The following PTPRS variants were observed in gnomAD, a reference collection of about 807,000 sequenced individuals.
PTPRS encodes the protein protein tyrosine phosphatase receptor type S.
In PTPRS, 63 loss-of-function variants were observed where a neutral mutation model predicts 215.3. The observed-to-expected ratio is 0.29, with a 90% CI of 0.24 to 0.36. The LOEUF is 0.36. Among genes scored for constraint, PTPRS ranks in the 10% least tolerant of loss-of-function variants. The pLI is 1.00. For synonymous variants in PTPRS, 1,404 were observed against 1,191.4 expected (o/e 1.18, Z -3.68); for missense variants, 2,258 against 2,825.8 (o/e 0.80, Z 4.56).
chr19:5,284,695 C>A (rs1286396416), intron 2 of PTPRS, among the ~76,000 whole-genome samples: 2 of 152,262 alleles, frequency 1.3e-5, no homozygotes, highest in African/African-American at 4.8e-5. Context: ...ACCTGTAATT[C>A]TAGCACTTTG....
intron 1 of PTPRS, among the ~76,000 whole-genome samples, chr19:5,328,635 C>T (rs1392525070): frequency 1.3e-5 from 2 of 152,178 alleles, no homozygotes; most frequent in South Asian, 2.1e-4. Flanking sequence ...AACCCAGTCT[C>T]CTGGCCTCCC....
At chr19:5,326,971 A>G (rs1208869655) in intron 1 of PTPRS, among the ~76,000 whole-genome samples, 3 of 152,156 alleles carry the variant, frequency 2.0e-5, no homozygotes, top group African/African-American at 7.2e-5. Context: ...ACAGACCTAG[A>G]GAGTCACAAC....
intron 1 of PTPRS, among the ~76,000 whole-genome samples, chr19:5,291,347 G>C (rs2048801978): frequency 6.6e-6 from 1 of 152,076 alleles, no homozygotes. Context: ...GGAGGAGGGG[G>C]CTGGGCTGGG....
At position 5,262,978 on chromosome 19, in the gene PTPRS, C is replaced by T. The variant is rs772623073; in HGVS notation, c.569-6G>A. 17 of 1,414,808 alleles carry T rather than the reference C, an allele frequency of 1.2e-5. No homozygotes were observed. The East Asian group carries it at 3.0e-4, about 25-fold the overall frequency. 87.6% of individuals were successfully genotyped at this position (1,414,808 alleles called of 1,614,324 possible). A position where few individuals can be genotyped will look rare whatever the true frequency, so the allele number is the denominator to read the frequency against. ...ATCAGACTTACCAAAGGTTTCTGAA[C>T]GTTTACAACAGGAGGATAAGAAAAG... On this transcript the variant is annotated splice_region_variant and splice_polypyrimidine_tract_variant and intron_variant, in intron 5 of 37. Transcript: ENST00000262963.
chr19:5,274,153 T>C lies in PTPRS; in HGVS notation c.237+46A>G, dbSNP rs199911156. On this transcript the variant is annotated intron_variant, in intron 3 of 37. Transcript: ENST00000262963. ...GTGGCTGAGGTGCTGTGGCCCTGCC[T>C]TGGGGGAGCATTGACCCCAGGCTGC... The C allele has an allele frequency of 1.1e-4, 179 of 1,581,652 alleles. No homozygotes were observed. The East Asian group carries it at 3.9e-3, about 35-fold the overall frequency.
At chr19:5,216,262 T>G (rs1029728366) in intron 26 of PTPRS, among the ~76,000 whole-genome samples, 3 of 152,064 alleles carry the variant, frequency 2.0e-5, no homozygotes, top group African/African-American at 7.2e-5. Context: ...AGGTGCTGGG[T>G]GTGGGCTCGG....
intron 25 of PTPRS, among the ~76,000 whole-genome samples, chr19:5,217,775 C>A (rs1349718784): frequency 3.3e-5 from 5 of 152,094 alleles, no homozygotes; most frequent in Admixed American, 6.6e-5. Context: ...ATGAAAAATT[C>A]CTTATTTGGT....
At chr19:5,263,051 C>A (rs1238581700) in intron 5 of PTPRS, 79 bp from the exon 6 acceptor site, 3 of 386,944 alleles carry the variant, frequency 7.8e-6, no homozygotes, top group African/African-American at 3.3e-5. Flanking sequence ...ATGTCCTCAG[C>A]GAGGAGGGGA....
intron 5 of PTPRS, among the ~76,000 whole-genome samples, chr19:5,263,912 G>A (rs1183574606): frequency 6.6e-6 from 1 of 152,222 alleles, no homozygotes; most frequent in Non-Finnish European, 1.5e-5. Flanking sequence ...CGGGAGGCAG[G>A]CCAGGCCGGC....
intron 11 of PTPRS, among the ~76,000 whole-genome samples, chr19:5,242,803 CCT>C (rs2145923035): frequency 6.6e-6 from 1 of 152,208 alleles, no homozygotes; most frequent in Non-Finnish European, 1.5e-5. Context: ...CTCCAGTGAT[CCT>C]CTCATCTCAG....
At chr19:5,285,792 T>A (rs1253055735) in intron 2 of PTPRS, among the ~76,000 whole-genome samples, 1 of 152,206 alleles carries the variant, frequency 6.6e-6, no homozygotes, top group Non-Finnish European at 1.5e-5. Flanking sequence ...GCTGAGTTGA[T>A]GCTGGGGAAA....
Position 5,273,556 on chromosome 19 carries a change from C to T in PTPRS, c.265G>A (p.Ala89Thr). The T allele has an allele frequency of 1.9e-6, 3 of 1,614,170 alleles. No homozygotes were observed. The highest frequency in any genetic ancestry group is 2.5e-6 in the Non-Finnish European group (3 of 1,180,040). The change falls in exon 4 of 38, where the codon GCA becomes ACA. Residue 89 changes from alanine to threonine, a missense_variant. Physicochemically the swap from Ala to Thr is moderately conservative, Grantham distance 58 (BLOSUM62 0). This residue lies in a region of PTPRS where 508 missense variants were observed against 799.4 expected (regional missense o/e 0.64). Transcript: ENST00000262963. The part of the protein sequence containing the change: ...ETIEFDESAG[A>T]VLRIQPLRTP... The stretch of plus-strand genomic sequence containing the variant: ...CTCAGCGGCTGGATCCTCAGCACTG[C>T]CCCTGCACTCTCATCAAACTCAATC...
rs542500939 is a variant in PTPRS, at chr19:5,225,487, TTC to T, written c.2494+238_2494+239del. 3.0e-3 allele frequency among the ~76,000 whole-genome samples: 456 copies of T among 151,116 alleles called. 2 individuals carry two copies. The highest frequency in any genetic ancestry group is 4.2e-3 in the Non-Finnish European group (285 of 67,776). On this transcript the variant is annotated intron_variant, in intron 17 of 37. Transcript: ENST00000262963. ...GGGGTCAGAGGTGGCTGTTAACTGT[TTC>T]TGTCTGGTGGGAGCCGGGGGGACAG... is the stretch of plus-strand genomic sequence containing the variant.
chr19:5,261,093 C>A (rs2045959534), intron 6 of PTPRS, among the ~76,000 whole-genome samples: 1 of 152,174 alleles, frequency 6.6e-6, no homozygotes, highest in Non-Finnish European at 1.5e-5. Context: ...GGGATGGAGT[C>A]TAGAAGCCTC....
At position 5,243,894 on chromosome 19, in the gene PTPRS, G is replaced by T; in HGVS notation, c.1570+7C>A. 1 of 1,482,846 alleles carries T rather than the reference G, an allele frequency of 6.7e-7. No individual in the cohort carries two copies. The highest frequency in any genetic ancestry group is 1.3e-5 in the South Asian group (1 of 74,252). The allele number at this position is 1,482,846 out of a possible 1,614,324, so 91.9% of individuals were successfully genotyped here. ...GGGCCCCGAGTCCTGCCGACCCCAC[G>T]CCTCACCTCCCTGCTGCGTCTTGAC... is the stretch of plus-strand genomic sequence containing the variant. On this transcript the variant is annotated splice_region_variant and intron_variant, in intron 11 of 37. Transcript: ENST00000262963.
At chr19:5,284,344 A>G (rs947264555) in intron 2 of PTPRS, among the ~76,000 whole-genome samples, 1 of 151,572 alleles carries the variant, frequency 6.6e-6, no homozygotes, top group Non-Finnish European at 1.5e-5. Context: ...TGGGCGACAG[A>G]GTGAGACTCT....
At chr19:5,216,135 C>T (rs914145985) in intron 26 of PTPRS, among the ~76,000 whole-genome samples, 3 of 152,044 alleles carry the variant, frequency 2.0e-5, no homozygotes, top group Non-Finnish European at 4.4e-5. Context: ...TGTGTGTGTA[C>T]GTGAGAGGAG....
chr19:5,217,552 A>G (rs923784352), intron 25 of PTPRS, among the ~76,000 whole-genome samples: 1 of 151,372 alleles, frequency 6.6e-6, no homozygotes, highest in South Asian at 2.1e-4. Flanking sequence ...AAAAAAAAAG[A>G]AAGTACATCA....
intron 1 of PTPRS, among the ~76,000 whole-genome samples, chr19:5,321,374 C>T (rs2050020073): frequency 6.6e-6 from 1 of 152,332 alleles, no homozygotes; most frequent in East Asian, 1.9e-4. Flanking sequence ...GCTTCATCTC[C>T]CTGATGTCTC....
Sources: gnomAD v4.1 joint callset for allele counts (sites outside exome capture counted in the v4.1 genomes callset) on GRCh38, gnomAD v4.1.1 for gene constraint, gnomAD v4.1.1 regional missense constraint, MANE v1.5 for transcripts, NCBI Gene and HGNC (gene_info 2026-07-23, HGNC 2026-07-21) for gene names.